Variants in GLYAT observed in about 807,000 individuals in gnomAD.
GLYAT encodes glycine N-acyltransferase.
In GLYAT, 25 loss-of-function variants were observed where a neutral mutation model predicts 22.8. That is an observed-to-expected ratio of 1.09 (90% CI 0.80 to 1.53). The LOEUF is 1.53. Among genes scored for constraint, GLYAT ranks in the 40% most tolerant of loss-of-function variants. The pLI is 0.00. For synonymous variants in GLYAT, 140 were observed against 122.7 expected (o/e 1.14, Z -0.93); for missense variants, 411 against 353.9 (o/e 1.16, Z -1.29).
chr11:58,728,889 A>AGAAAGAAAGAAGGAAGGAGGGAAG (rs1310407303), intron 1 of GLYAT, among the ~76,000 whole-genome samples: 10 of 101,308 alleles, frequency 9.9e-5, no homozygotes, highest in African/African-American at 4.2e-4. Flanking sequence ...AAAGAAAGAA[A>AGAAAGAAAGAAGGAAGGAGGGAAG]GAAGGAAGGA....
intron 1 of GLYAT, among the ~76,000 whole-genome samples, chr11:58,728,481 A>G (rs540647945): frequency 3.3e-5 from 5 of 152,258 alleles, no homozygotes; most frequent in African/African-American, 1.2e-4. Context: ...GCAGACCCAT[A>G]AGAATTCACT....
chr11:58,715,287 T>C (rs1164436045), intron 3 of GLYAT, 29 bp downstream of exon 3: 3 of 942,168 alleles, frequency 3.2e-6, no homozygotes, highest in Non-Finnish European at 3.5e-6. Flanking sequence ...AATATAAATA[T>C]AGAAGAATAT....
intron 3 of GLYAT, among the ~76,000 whole-genome samples, 167 bp from the exon 4 acceptor site, chr11:58,713,053 TTTG>T (rs1309737061): frequency 8.5e-5 from 13 of 152,256 alleles, no homozygotes; most frequent in South Asian, 2.1e-4. Context: ...TGTGTAATAT[TTTG>T]TTATGTGCAT....
chr11:58,725,491 A>T (rs1472872916), intron 1 of GLYAT, among the ~76,000 whole-genome samples: 1 of 152,134 alleles, frequency 6.6e-6, no homozygotes, highest in Non-Finnish European at 1.5e-5. Flanking sequence ...CTGATGCAAG[A>T]TTCCATAACT....
chr11:58,728,924 AG>A (rs1856842646), intron 1 of GLYAT, among the ~76,000 whole-genome samples: 2 of 147,854 alleles, frequency 1.4e-5, no homozygotes, highest in Non-Finnish European at 3.0e-5. Flanking sequence ...GAAGGAAGGA[AG>A]GAAGGAAGGA....
intron 4 of GLYAT, among the ~76,000 whole-genome samples, chr11:58,711,230 C>T (rs1013203232): frequency 2.0e-5 from 3 of 152,158 alleles, no homozygotes; most frequent in Non-Finnish European, 4.4e-5. Flanking sequence ...CTGCCTTTAT[C>T]TCTTTTAAAA....
intron 4 of GLYAT, 61 bp downstream of exon 4, chr11:58,712,699 A>G (rs1451330372): frequency 6.9e-7 from 1 of 1,458,676 alleles, no homozygotes; most frequent in Non-Finnish European, 9.6e-7. Flanking sequence ...GGTATAAGTC[A>G]TATGAAAACT....
Position 58,710,594 on chromosome 11 carries a change from C to T in GLYAT, c.484G>A (p.Ala162Thr). Reference protein sequence around the residue: ...ILSPNGGKPKAINQEMFKLSS... With the variant: ...ILSPNGGKPKTINQEMFKLSS... ...ACTGGATTTTATCAAACTCACATGG[C>T]CTTGGGTTTGCCACCATTGGGAGAT... Residue 162 changes from alanine to threonine, a missense_variant, in exon 5 of 6, where the codon GCC (alanine) becomes ACC (threonine). Coordinates refer to ENST00000344743, the MANE Select transcript of GLYAT (RefSeq NM_201648.3). 1.9e-6 allele frequency: 3 copies of T among 1,597,096 alleles called. No homozygotes were observed. Among genetic ancestry groups the T allele is most frequent in the Admixed American group, 1.7e-5 (1 of 60,004 alleles).
At chr11:58,726,283 A>G (rs982615448) in intron 1 of GLYAT, among the ~76,000 whole-genome samples, 2 of 152,072 alleles carry the variant, frequency 1.3e-5, no homozygotes, top group South Asian at 2.1e-4. Context: ...CAAGACCCCA[A>G]TTATTTGGGG....
At chr11:58,711,233 T>C (rs1856613176) in intron 4 of GLYAT, among the ~76,000 whole-genome samples, 1 of 152,200 alleles carries the variant, frequency 6.6e-6, no homozygotes, top group South Asian at 2.1e-4. Flanking sequence ...CCTTTATCTC[T>C]TTTAAAAGGT....
At position 58,710,761 on chromosome 11, in the gene GLYAT, C is replaced by A. The variant is rs746310923; in HGVS notation, c.317G>T (p.Ser106Ile). 11 of 1,562,942 alleles carry A rather than the reference C, an allele frequency of 7.0e-6. No homozygotes were observed. In the East Asian group the frequency reaches 1.3e-4, roughly 19 times the overall value. ...AGCCTCATTCAGGCTAGGCTGTGAACCTAGACGGTATAATAAACAGAGATG... is the reference window on the plus strand; with the variant it reads ...AGCCTCATTCAGGCTAGGCTGTGAAACTAGACGGTATAATAAACAGAGATG... ...INWKQHLQIQSSQPSLNEAIQ... is the reference protein window; with the variant it reads ...INWKQHLQIQISQPSLNEAIQ... The change falls in exon 5 of 6, where the codon AGT (serine) becomes ATT (isoleucine). Residue 106 changes from serine (S) to isoleucine (I), a missense_variant and splice_region_variant. Coordinates refer to ENST00000344743, the MANE Select transcript of GLYAT (RefSeq NM_201648.3).
intron 1 of GLYAT, among the ~76,000 whole-genome samples, chr11:58,730,209 T>C (rs1856858190): frequency 6.6e-6 from 1 of 152,136 alleles, no homozygotes; most frequent in Non-Finnish European, 1.5e-5. Context: ...GCATGGTGGC[T>C]TGCACCTGTA....
At chr11:58,710,321 T>A in intron 5 of GLYAT, 153 bp from the exon 6 acceptor site, 1 of 1,286,230 alleles carries the variant, frequency 7.8e-7, no homozygotes, top group African/African-American at 1.5e-5. Flanking sequence ...AGGAACAGAG[T>A]GAAGGTCAGA....
chr11:58,719,176 T>G (rs887153582), intron 2 of GLYAT, among the ~76,000 whole-genome samples: 1 of 151,966 alleles, frequency 6.6e-6, no homozygotes, highest in African/African-American at 2.4e-5. Flanking sequence ...AAAATAGGAT[T>G]ATAGGTCATT....
intron 4 of GLYAT, 111 bp from the exon 5 acceptor site, chr11:58,710,872 G>C: frequency 1.4e-6 from 1 of 696,146 alleles, no homozygotes; most frequent in East Asian, 2.5e-5. Flanking sequence ...TTGGTTCTGG[G>C]CTTGGTGCTA....
rs1271355511 is a variant in GLYAT at position 58,715,365 on chromosome 11, AC to A, written c.139del (p.Val47TrpfsTer19). Reference protein sequence around the residue: ...HGNPFNLKAVVDKWPDFNTVV... With the variant: ...HGNPFNLKAVXDKWPDFNTVV... The stretch of plus-strand genomic sequence containing the variant: ...TGTATTAAAATCAGGCCACTTGTCC[AC>A]CACAGCCTTCAGATTGAATGGATTT... On this transcript the variant is annotated frameshift_variant, in exon 3 of 6. Transcript: ENST00000344743. LOFTEE classifies it high-confidence loss of function. 6.2e-6 allele frequency: 10 copies of A among 1,604,104 alleles called. No individual in the cohort carries two copies. The highest frequency in any genetic ancestry group is 8.5e-6 in the Non-Finnish European group (10 of 1,171,288).
intron 2 of GLYAT, 36 bp downstream of exon 2, chr11:58,724,380 G>T (rs1462800682): frequency 1.7e-6 from 2 of 1,158,224 alleles, no homozygotes; most frequent in South Asian, 1.3e-5. Context: ...CATCAAGTTT[G>T]TCTTCTTTAC....
intron 1 of GLYAT, among the ~76,000 whole-genome samples, chr11:58,728,894 G>A: frequency 1.2e-5 from 1 of 85,370 alleles, no homozygotes; most frequent in Non-Finnish European, 2.5e-5. Flanking sequence ...AAGAAAGAAG[G>A]AAGGAAGGAA....
intron 1 of GLYAT, among the ~76,000 whole-genome samples, chr11:58,727,463 A>C (rs1417071206): frequency 6.6e-6 from 1 of 152,158 alleles, no homozygotes; most frequent in African/African-American, 2.4e-5. Context: ...GCTTCTTGTG[A>C]AAGAGCCATT....
Sources: gnomAD v4.1 joint callset for allele counts (sites outside exome capture counted in the v4.1 genomes callset) on GRCh38, gnomAD v4.1.1 for gene constraint, MANE v1.5 for transcripts, NCBI Gene and HGNC (gene_info 2026-07-23, HGNC 2026-07-21) for gene names.